CYP7B1: variants seen among roughly 807,000 people sequenced by gnomAD.
CYP7B1 encodes cytochrome P450 family 7 subfamily B member 1.
In CYP7B1, 29 loss-of-function variants were observed where a neutral mutation model predicts 42.7. The observed-to-expected ratio is 0.68, with a 90% CI of 0.51 to 0.93. CYP7B1 has a LOEUF of 0.93. CYP7B1 is among the 40% of genes least tolerant of loss of function. The pLI, the probability that CYP7B1 is intolerant of heterozygous loss-of-function variation, is 0.00. For missense variants in CYP7B1, 655 were observed against 600.5 expected (o/e 1.09, Z -0.95); for synonymous variants, 235 against 218.2 (o/e 1.08, Z -0.68).
intron 2 of CYP7B1, among the ~76,000 whole-genome samples, chr8:64,618,368 G>A (rs942963821): frequency 2.6e-5 from 4 of 151,848 alleles, no homozygotes; most frequent in African/African-American, 7.3e-5. Context: ...AAAAGATTCA[G>A]TTAGTAAAAC....
intron 1 of CYP7B1, among the ~76,000 whole-genome samples, chr8:64,681,529 G>A (rs1806538291): frequency 1.3e-5 from 2 of 152,168 alleles, no homozygotes. Flanking sequence ...TCCAAGGTTA[G>A]TTTATAAAAA....
chr8:64,746,708 T>C (rs1464847225), intron 1 of CYP7B1, among the ~76,000 whole-genome samples: 1 of 152,160 alleles, frequency 6.6e-6, no homozygotes, highest in South Asian at 2.1e-4. Flanking sequence ...TATAATAGAC[T>C]TTTTTGTTAC....
At chr8:64,769,192 T>C (rs890818516) in intron 1 of CYP7B1, among the ~76,000 whole-genome samples, 1 of 152,150 alleles carries the variant, frequency 6.6e-6, no homozygotes, top group African/African-American at 2.4e-5. Flanking sequence ...GTAAAATTTA[T>C]AGTAATTTAA....
At chr8:64,587,044 G>C (rs898807629), downstream of CYP7B1, among the ~76,000 whole-genome samples, 3 of 152,202 alleles carry the variant, frequency 2.0e-5, no homozygotes, top group African/African-American at 7.2e-5. Context: ...TCTTCTGATC[G>C]ACTGGTGTTT....
intron 1 of CYP7B1, among the ~76,000 whole-genome samples, chr8:64,781,044 GGGTAAGGAA>G (rs1170003387): frequency 6.6e-6 from 1 of 152,100 alleles, no homozygotes; most frequent in Non-Finnish European, 1.5e-5. Context: ...GTGAATCTAT[GGGTAAGGAA>G]CACAGAAATC....
chr8:64,667,120 C>G (rs536181940), intron 1 of CYP7B1, among the ~76,000 whole-genome samples: 8 of 152,152 alleles, frequency 5.3e-5, no homozygotes, highest in Admixed American at 2.0e-4. Context: ...TTAAACAGAA[C>G]TATTTATTCT....
intron 1 of CYP7B1, among the ~76,000 whole-genome samples, chr8:64,679,674 C>T (rs1188294606): frequency 6.6e-6 from 1 of 152,060 alleles, no homozygotes; most frequent in African/African-American, 2.4e-5. Flanking sequence ...TTAGGAAAAC[C>T]AGCCTATCTT....
chr8:64,665,340 T>A (rs1213781807), intron 1 of CYP7B1, among the ~76,000 whole-genome samples: 1 of 152,006 alleles, frequency 6.6e-6, no homozygotes, highest in East Asian at 1.9e-4. Context: ...TTTAATGAAG[T>A]AATTTGGAAA....
At chr8:64,712,568 T>C (rs1284456416) in intron 1 of CYP7B1, among the ~76,000 whole-genome samples, 3 of 152,032 alleles carry the variant, frequency 2.0e-5, no homozygotes, top group African/African-American at 7.2e-5. Flanking sequence ...CACATTATAG[T>C]CAACCAACAT....
chr8:64,765,091 C>T (rs1235570326), intron 1 of CYP7B1, among the ~76,000 whole-genome samples: 1 of 151,338 alleles, frequency 6.6e-6, no homozygotes, highest in African/African-American at 2.4e-5. Context: ...GTTGTTTGTA[C>T]TCAGCCAAGA....
chr8:64,689,517 G>C (rs10081461), intron 1 of CYP7B1, among the ~76,000 whole-genome samples: 73,449 of 152,026 alleles, frequency 0.48, 19,182 homozygotes, highest in Non-Finnish European at 0.57. Flanking sequence ...TGTTTTTATA[G>C]GTTATATGCA....
At chr8:64,760,076 C>T (rs150743349) in intron 1 of CYP7B1, among the ~76,000 whole-genome samples, 1 of 152,084 alleles carries the variant, frequency 6.6e-6, no homozygotes, top group East Asian at 1.9e-4. Context: ...AGAATAAAAA[C>T]CCCAGAAGTA....
chr8:64,647,187 T>TA (rs1805966893), intron 1 of CYP7B1, among the ~76,000 whole-genome samples: 1 of 152,120 alleles, frequency 6.6e-6, no homozygotes, highest in African/African-American at 2.4e-5. Context: ...GCAGTCAGAA[T>TA]ACATACAACA....
chr8:64,674,400 T>C (rs1468920147), intron 1 of CYP7B1, among the ~76,000 whole-genome samples: 1 of 152,166 alleles, frequency 6.6e-6, no homozygotes, highest in East Asian at 1.9e-4. Context: ...TGTCTGTCAA[T>C]GCCACCATAC....
chr8:64,760,051 G>C (rs1807863328), intron 1 of CYP7B1, among the ~76,000 whole-genome samples: 1 of 152,010 alleles, frequency 6.6e-6, no homozygotes, highest in Admixed American at 6.6e-5. Flanking sequence ...CATAAAAATA[G>C]AATCACAGGC....
intron 1 of CYP7B1, among the ~76,000 whole-genome samples, chr8:64,755,005 G>C (rs769593089): frequency 6.6e-6 from 1 of 152,168 alleles, no homozygotes; most frequent in Non-Finnish European, 1.5e-5. Context: ...TTTAACGATT[G>C]CAAGTTCCAC....
intron 1 of CYP7B1, among the ~76,000 whole-genome samples, chr8:64,674,237 T>A (rs895543204): frequency 6.6e-6 from 1 of 152,174 alleles, no homozygotes; most frequent in African/African-American, 2.4e-5. Flanking sequence ...ATATCTATAA[T>A]GCACACAGAG....
chr8:64,602,099 G>A (rs892478563), intron 5 of CYP7B1, among the ~76,000 whole-genome samples: 1 of 152,092 alleles, frequency 6.6e-6, no homozygotes, highest in South Asian at 2.1e-4. Flanking sequence ...TGTGTGCTAG[G>A]CACTGAGAAT....
At chr8:64,725,255 T>TGCTA (rs1807306204) in intron 1 of CYP7B1, among the ~76,000 whole-genome samples, 1 of 152,242 alleles carries the variant, frequency 6.6e-6, no homozygotes, top group African/African-American at 2.4e-5. Flanking sequence ...TAAATAAAGA[T>TGCTA]GCTATGCTTT....
Sources: gnomAD v4.1 joint callset for allele counts (sites outside exome capture counted in the v4.1 genomes callset) on GRCh38, gnomAD v4.1.1 for gene constraint, MANE v1.5 for transcripts, NCBI Gene and HGNC (gene_info 2026-07-23, HGNC 2026-07-21) for gene names.